Variants in LCLAT1 observed in about 807,000 individuals in gnomAD.
LCLAT1 encodes the protein 1-AGP acyltransferase 8.
LCLAT1 carries 11 observed loss-of-function variants against 30.7 expected under a neutral mutation model. The observed-to-expected ratio is 0.36, with a 90% CI of 0.23 to 0.59. The LOEUF is 0.59. Ranked by LOEUF, LCLAT1 falls within the 20% of genes least tolerant of loss-of-function variation. The pLI is 0.77. For missense variants in LCLAT1, 402 were observed against 458.6 expected (o/e 0.88, Z 1.13); for synonymous variants, 155 against 151.3 (o/e 1.02, Z -0.18).
At chr2:30,638,669 C>T (rs1669150888) in intron 5 of LCLAT1, among the ~76,000 whole-genome samples, 1 of 152,128 alleles carries the variant, frequency 6.6e-6, no homozygotes, top group Non-Finnish European at 1.5e-5. Context: ...CCCCAAGGTC[C>T]CTTACAGGTC....
chr2:30,611,449 A>G (rs1348848053), intron 5 of LCLAT1, among the ~76,000 whole-genome samples: 2 of 152,118 alleles, frequency 1.3e-5, no homozygotes, highest in Non-Finnish European at 2.9e-5. Flanking sequence ...GCATTCTAGC[A>G]TGTGGAACTT....
At chr2:30,562,058 A>G in intron 3 of LCLAT1, 88 bp from the exon 4 acceptor site, 1 of 900,362 alleles carries the variant, frequency 1.1e-6, no homozygotes, top group Non-Finnish European at 1.6e-6. Flanking sequence ...ATATATAGTA[A>G]AACCAGAAAA....
Position 30,640,674 on chromosome 2 carries a change from CCTTT to C in LCLAT1, c.*58_*61del. On this transcript the variant is annotated 3_prime_UTR_variant, in exon 6 of 6. Transcript: ENST00000379509. Reference sequence around the variant, plus strand: ...GAGCATATTTTGGAAATGTTCTAAACCTTTCTAAGCTCAGATGCATTTTTGCATG... The same window carrying C: ...GAGCATATTTTGGAAATGTTCTAAACCTAAGCTCAGATGCATTTTTGCATG... The C allele has an allele frequency of 2.0e-6, 3 of 1,513,536 alleles. No individual in the cohort carries two copies. In the African/African-American group the frequency reaches 4.2e-5, roughly 21 times the overall value. The allele number at this position is 1,513,536 out of a possible 1,614,324, so 93.8% of individuals were successfully genotyped here.
intron 5 of LCLAT1, among the ~76,000 whole-genome samples, chr2:30,594,888 T>C (rs1467645302): frequency 6.6e-6 from 1 of 152,210 alleles, no homozygotes; most frequent in Non-Finnish European, 1.5e-5. Context: ...TACTCAAGTA[T>C]AAAATAAGCA....
chr2:30,601,268 G>A (rs184344722), intron 5 of LCLAT1, among the ~76,000 whole-genome samples: 1 of 152,252 alleles, frequency 6.6e-6, no homozygotes, highest in East Asian at 1.9e-4. Flanking sequence ...ATTACCCATA[G>A]TAACAAGGTG....
chr2:30,629,454 G>T (rs1668664914), intron 5 of LCLAT1, among the ~76,000 whole-genome samples: 1 of 152,136 alleles, frequency 6.6e-6, no homozygotes, highest in South Asian at 2.1e-4. Context: ...CAGCCACTTG[G>T]GAGGCTGAGG....
In LCLAT1 at chr2:30,471,811, T is replaced by G. The variant is rs373283331; in HGVS notation, c.-5+24428T>G. ...TAAGGATTTTCTATACATAGGATCA[T>G]GTCATGTGCAGATTCTTCCTTCTGA... is the stretch of plus-strand genomic sequence containing the variant. On this transcript the variant is annotated intron_variant, in intron 1 of 5. Coordinates refer to ENST00000379509, the MANE Select transcript of LCLAT1 (RefSeq NM_001002257.3). 2.6e-5 allele frequency among the ~76,000 whole-genome samples: 4 copies of G among 152,228 alleles called. No homozygotes were observed. In the East Asian group the frequency reaches 5.8e-4, roughly 22 times the overall value.
chr2:30,473,039 A>G (rs919033414), intron 1 of LCLAT1, among the ~76,000 whole-genome samples: 5 of 152,166 alleles, frequency 3.3e-5, no homozygotes, highest in Admixed American at 2.0e-4. Flanking sequence ...TATAGTTGAT[A>G]TTTGTGTACC....
At chr2:30,564,182 A>G (rs781611640) in intron 4 of LCLAT1, among the ~76,000 whole-genome samples, 2 of 152,184 alleles carry the variant, frequency 1.3e-5, no homozygotes, top group South Asian at 4.1e-4. Context: ...TTTAGAATGT[A>G]TAATACCTAA....
chr2:30,503,350 G>T (rs1302102344), intron 1 of LCLAT1, among the ~76,000 whole-genome samples: 1 of 152,116 alleles, frequency 6.6e-6, no homozygotes, highest in African/African-American at 2.4e-5. Flanking sequence ...ACATTTATGT[G>T]CCTGTTTTTG....
At position 30,562,310 on chromosome 2, in the gene LCLAT1, T is replaced by A. The variant is rs371486647; in HGVS notation, c.511+18T>A. The A allele has an allele frequency of 1.3e-6, 2 of 1,567,250 alleles. No homozygotes were observed. Among genetic ancestry groups the A allele is most frequent in the Non-Finnish European group, 1.7e-6 (2 of 1,149,072 alleles). ...TCTCACAGGTAATGTAGCCTGGGTT[T>A]GGCAAAGTTAGAAATCATGTAGTCT... On this transcript the variant is annotated intron_variant, in intron 4 of 5. Coordinates refer to ENST00000379509, the MANE Select transcript of LCLAT1 (RefSeq NM_001002257.3).
intron 3 of LCLAT1, among the ~76,000 whole-genome samples, chr2:30,549,818 G>A (rs1664600068): frequency 6.6e-6 from 1 of 152,072 alleles, no homozygotes; most frequent in African/African-American, 2.4e-5. Context: ...TAAAAAATAT[G>A]GCTTTTCTCC....
intron 1 of LCLAT1, among the ~76,000 whole-genome samples, chr2:30,505,901 A>G (rs1684635725): frequency 6.6e-6 from 1 of 152,162 alleles, no homozygotes; most frequent in Non-Finnish European, 1.5e-5. Context: ...TCAAGAGGTA[A>G]GTAATAAGAG....
chr2:30,636,231 G>C (rs1284584314), intron 5 of LCLAT1, among the ~76,000 whole-genome samples: 2 of 152,212 alleles, frequency 1.3e-5, no homozygotes, highest in African/African-American at 2.4e-5. Context: ...GAATATTTGT[G>C]TTGAGTAGGA....
At chr2:30,551,509 A>G (rs1664676899) in intron 3 of LCLAT1, among the ~76,000 whole-genome samples, 1 of 152,180 alleles carries the variant, frequency 6.6e-6, no homozygotes, top group Non-Finnish European at 1.5e-5. Flanking sequence ...AAATCTAGGC[A>G]CTTACTATGC....
chr2:30,566,880 C>T (rs966617498), intron 4 of LCLAT1, among the ~76,000 whole-genome samples: 2 of 152,152 alleles, frequency 1.3e-5, no homozygotes, highest in African/African-American at 2.4e-5. Flanking sequence ...TACTTGACTC[C>T]GTAACTATAT....
chr2:30,502,307 A>C (rs1684441150), intron 1 of LCLAT1, among the ~76,000 whole-genome samples: 1 of 152,204 alleles, frequency 6.6e-6, no homozygotes, highest in South Asian at 2.1e-4. Context: ...CTTCCAGGGC[A>C]GAAGTGGTTA....
chr2:30,555,639 G>A (rs190618123), intron 3 of LCLAT1, among the ~76,000 whole-genome samples: 1 of 152,062 alleles, frequency 6.6e-6, no homozygotes, highest in East Asian at 1.9e-4. Context: ...TTTAATTAGT[G>A]ATAGAATTGA....
At chr2:30,598,726 T>C (rs1050779438) in intron 5 of LCLAT1, among the ~76,000 whole-genome samples, 4 of 152,150 alleles carry the variant, frequency 2.6e-5, no homozygotes, top group Non-Finnish European at 5.9e-5. Flanking sequence ...GGTTCTCTAG[T>C]TCTTTTAGTT....
Sources: allele counts gnomAD v4.1 joint callset (sites outside exome capture counted in the v4.1 genomes callset), GRCh38; gene constraint gnomAD v4.1.1; transcripts MANE v1.5; gene names NCBI Gene and HGNC (gene_info 2026-07-23, HGNC 2026-07-21).